Variants in MACROD2 observed in about 807,000 individuals in gnomAD.
MACROD2 encodes the protein mono-ADP ribosylhydrolase 2.
A neutral mutation model predicts 70.4 loss-of-function variants in MACROD2; 36 were observed. That is an observed-to-expected ratio of 0.51 (90% CI 0.39 to 0.68). The LOEUF is 0.68. MACROD2 is among the 30% of genes least tolerant of loss of function. The probability of loss-of-function intolerance (pLI) is 0.00; values close to 1 mark genes in which losing one functional copy is unlikely to be tolerated. For synonymous variants in MACROD2, 172 were observed against 178.8 expected, an observed-to-expected ratio of 0.96 and a Z score of 0.30; for missense variants, 496 against 538.4, an observed-to-expected ratio of 0.92 and a Z score of 0.78.
intron 8 of MACROD2, among the ~76,000 whole-genome samples, chr20:15,857,281 G>A (rs2064367622): frequency 6.6e-6 from 1 of 152,152 alleles, no homozygotes. Flanking sequence ...TATGTCAGCA[G>A]GGCAGATGAT....
chr20:14,738,617 A>C (rs1302396956), intron 5 of MACROD2, among the ~76,000 whole-genome samples: 3 of 152,112 alleles, frequency 2.0e-5, no homozygotes, highest in Non-Finnish European at 4.4e-5. Flanking sequence ...AAATGCACGC[A>C]TACATGAATA....
chr20:14,157,736 A>G (rs1325762700), intron 3 of MACROD2, among the ~76,000 whole-genome samples: 1 of 152,130 alleles, frequency 6.6e-6, no homozygotes, highest in African/African-American at 2.4e-5. Flanking sequence ...TCTTCAATCC[A>G]TGTTGCTGCA....
In MACROD2 at chr20:15,557,962, G is replaced by T. The variant is rs79815297; in HGVS notation, c.645+58115G>T. Among the ~76,000 whole-genome samples, 1,183 of 152,236 alleles carry T rather than the reference G, an allele frequency of 7.8e-3. 6 individuals carry two copies. The highest frequency in any genetic ancestry group is 0.027 in the African/African-American group (1,125 of 41,542). ...CTTTCAACTGGGACAAACTCACATAGTAATAATCTAATGTGTGGCTACTAT... is the reference window on the plus strand; with the variant it reads ...CTTTCAACTGGGACAAACTCACATATTAATAATCTAATGTGTGGCTACTAT... On this transcript the variant is annotated intron_variant, in intron 8 of 17. Transcript: ENST00000684519.
At chr20:14,300,203 T>C (rs148933206) in intron 3 of MACROD2, among the ~76,000 whole-genome samples, 1 of 152,232 alleles carries the variant, frequency 6.6e-6, no homozygotes, top group Non-Finnish European at 1.5e-5. Flanking sequence ...TAACAGCTAA[T>C]GTCTGTTACA....
At chr20:15,936,104 C>A (rs2065654819) in intron 11 of MACROD2, among the ~76,000 whole-genome samples, 1 of 151,898 alleles carries the variant, frequency 6.6e-6, no homozygotes, top group African/African-American at 2.4e-5. Context: ...TATGAGTTAT[C>A]TTTAGTTCCC....
intron 12 of MACROD2, among the ~76,000 whole-genome samples, chr20:15,962,927 G>A (rs1196891730): frequency 6.6e-6 from 1 of 152,174 alleles, no homozygotes; most frequent in Admixed American, 6.5e-5. Context: ...AGAATAGTCT[G>A]GGAATGTGTT....
At chr20:14,246,556 T>G (rs2081969674) in intron 3 of MACROD2, among the ~76,000 whole-genome samples, 1 of 152,208 alleles carries the variant, frequency 6.6e-6, no homozygotes, top group Non-Finnish European at 1.5e-5. Context: ...TACACCATGC[T>G]GCCTCCTAGT....
At chr20:14,440,112 G>T (rs2122955161) in intron 3 of MACROD2, among the ~76,000 whole-genome samples, 1 of 152,222 alleles carries the variant, frequency 6.6e-6, no homozygotes, top group African/African-American at 2.4e-5. Flanking sequence ...CTAGTACATG[G>T]GCTTTAGCAG....
chr20:15,750,126 T>C (rs969563863), intron 8 of MACROD2, among the ~76,000 whole-genome samples: 3 of 152,034 alleles, frequency 2.0e-5, no homozygotes, highest in Admixed American at 6.6e-5. Context: ...ACCAAGAATA[T>C]GTAAGGAACT....
intron 4 of MACROD2, among the ~76,000 whole-genome samples, chr20:14,665,339 T>G (rs1025273160): frequency 6.6e-6 from 1 of 152,034 alleles, no homozygotes; most frequent in Non-Finnish European, 1.5e-5. Flanking sequence ...ACAGTTTTTT[T>G]TTTTTAACTG....
chr20:14,899,786 C>T (rs1330800081), intron 5 of MACROD2, among the ~76,000 whole-genome samples: 1 of 152,110 alleles, frequency 6.6e-6, no homozygotes, highest in African/African-American at 2.4e-5. Flanking sequence ...AATATTGACT[C>T]ATTTCTGGAA....
At chr20:15,313,914 C>A (rs1162940770) in intron 6 of MACROD2, among the ~76,000 whole-genome samples, 1 of 151,964 alleles carries the variant, frequency 6.6e-6, no homozygotes, top group Non-Finnish European at 1.5e-5. Flanking sequence ...AAAATCTGTC[C>A]CATAATTGTG....
intron 3 of MACROD2, among the ~76,000 whole-genome samples, chr20:14,486,915 C>T (rs981451457): frequency 6.6e-6 from 1 of 151,808 alleles, no homozygotes; most frequent in Non-Finnish European, 1.5e-5. Flanking sequence ...TATGGGCTTA[C>T]ATAATTATTT....
At chr20:14,648,423 A>T (rs1985507302) in intron 4 of MACROD2, among the ~76,000 whole-genome samples, 1 of 152,166 alleles carries the variant, frequency 6.6e-6, no homozygotes, top group African/African-American at 2.4e-5. Context: ...ATCTTCCTGA[A>T]ATCTCTGTAT....
At position 14,824,444 on chromosome 20, in the gene MACROD2, A is replaced by T. The variant is rs146395203; in HGVS notation, c.418+139485A>T. On this transcript the variant is annotated intron_variant, in intron 5 of 17. Transcript: ENST00000684519. ...ACAGTTTGGACAAGATTCAGTGGGG[A>T]TGGCTTATCTCTGCCCCATGTGCCA... 9.7e-4 allele frequency among the ~76,000 whole-genome samples: 148 copies of T among 152,166 alleles called. 1 individual carries two copies. Among genetic ancestry groups the T allele is most frequent in the African/African-American group, 3.3e-3 (135 of 41,522 alleles).
At chr20:15,694,494 G>T (rs567733677) in intron 8 of MACROD2, among the ~76,000 whole-genome samples, 1 of 151,836 alleles carries the variant, frequency 6.6e-6, no homozygotes, top group Non-Finnish European at 1.5e-5. Context: ...TCATATATTT[G>T]TTGGCCATTT....
chr20:14,664,243 C>G (rs1035326213), intron 4 of MACROD2, among the ~76,000 whole-genome samples: 2 of 152,056 alleles, frequency 1.3e-5, no homozygotes, highest in Non-Finnish European at 2.9e-5. Context: ...CAAAAAGATA[C>G]AACTGGAGTC....
At chr20:15,206,432 C>T (rs1462547884) in intron 5 of MACROD2, among the ~76,000 whole-genome samples, 1 of 152,008 alleles carries the variant, frequency 6.6e-6, no homozygotes, top group Non-Finnish European at 1.5e-5. Context: ...GTAAAATTTA[C>T]AGAATAAAAT....
intron 5 of MACROD2, among the ~76,000 whole-genome samples, chr20:14,742,195 T>C (rs1174414337): frequency 6.6e-6 from 1 of 152,150 alleles, no homozygotes. Flanking sequence ...GAGCTGAGGT[T>C]GTGGCTGGTA....
Sources: gnomAD v4.1 joint callset for allele counts (sites outside exome capture counted in the v4.1 genomes callset) on GRCh38, gnomAD v4.1.1 for gene constraint, MANE v1.5 for transcripts, NCBI Gene and HGNC (gene_info 2026-07-23, HGNC 2026-07-21) for gene names.